The following PER2 variants were observed in gnomAD, a reference collection of about 807,000 sequenced individuals.
The protein encoded by PER2 is period circadian regulator 2, also known as period circadian protein homolog 2.
A neutral mutation model predicts 121.0 loss-of-function variants in PER2; 66 were observed. That is an observed-to-expected ratio of 0.55 (90% CI 0.45 to 0.67). PER2 has a LOEUF of 0.67. Ranked by LOEUF, PER2 falls within the 30% of genes least tolerant of loss-of-function variation. The probability of loss-of-function intolerance (pLI) is 0.00; values close to 1 mark genes in which losing one functional copy is unlikely to be tolerated. For missense variants in PER2, 1,521 were observed against 1,635.0 expected, an observed-to-expected ratio of 0.93 and a Z score of 1.20; for synonymous variants, 684 against 659.9, an observed-to-expected ratio of 1.04 and a Z score of -0.56.
At chr2:238,294,314 C>T (rs567107737), upstream of PER2, among the ~76,000 whole-genome samples, 6 of 152,324 alleles carry the variant, frequency 3.9e-5, no homozygotes, top group African/African-American at 1.4e-4. Context: ...TGAGGGGTAG[C>T]CCAGTTGGCA....
chr2:238,292,252 C>T (rs1696961732), upstream of PER2, among the ~76,000 whole-genome samples: 1 of 152,224 alleles, frequency 6.6e-6, no homozygotes, highest in African/African-American at 2.4e-5. Flanking sequence ...TCCAGGGAGG[C>T]TGTTCTTTGT....
At chr2:238,247,742 G>C (rs1040569777) in intron 22 of PER2, among the ~76,000 whole-genome samples, 1 of 152,250 alleles carries the variant, frequency 6.6e-6, no homozygotes, top group Non-Finnish European at 1.5e-5. Flanking sequence ...GGCCAGTGTA[G>C]CTGGAGAGGA....
intron 15 of PER2, 44 bp from the exon 16 acceptor site, chr2:238,258,444 G>C (rs1278636968): frequency 6.2e-7 from 1 of 1,614,136 alleles, no homozygotes; most frequent in Admixed American, 1.7e-5. Context: ...CACAACATGA[G>C]AGGAGGGAAG....
chr2:238,271,827 C>A lies in PER2; in HGVS notation c.571-314G>T, dbSNP rs560961531. On this transcript the variant is annotated intron_variant, in intron 5 of 22. Coordinates refer to ENST00000254657, the MANE Select transcript of PER2 (RefSeq NM_022817.3). Reference sequence around the variant, plus strand: ...AATAACATCTCCAACCAGAAACATTCCAAACTCCTCCCGGACCAGAGACAT... The same window carrying A: ...AATAACATCTCCAACCAGAAACATTACAAACTCCTCCCGGACCAGAGACAT... Among the ~76,000 whole-genome samples, 260 of 152,276 alleles carry A rather than the reference C, an allele frequency of 1.7e-3. 1 individual carries two copies. Among genetic ancestry groups the A allele is most frequent in the African/African-American group, 5.8e-3 (242 of 41,542 alleles).
Position 238,266,133 on chromosome 2 carries a change from G to A in PER2, c.968-543C>T, listed in dbSNP as rs1273132103. ...TTGGCCAGGATGGTCTCGATCTCCT[G>A]ACCTCGTGATCCGCCCACCTTGGCC... On this transcript the variant is annotated intron_variant, in intron 8 of 22. Transcript: ENST00000254657. 2.6e-5 allele frequency among the ~76,000 whole-genome samples: 4 copies of A among 152,104 alleles called. No individual in the cohort carries two copies. The East Asian group carries it at 7.7e-4, about 29-fold the overall frequency.
At chr2:238,279,874 T>C (rs1443585486) in intron 1 of PER2, among the ~76,000 whole-genome samples, 2 of 151,946 alleles carry the variant, frequency 1.3e-5, no homozygotes, top group African/African-American at 2.4e-5. Flanking sequence ...GCATGAAGAG[T>C]GCACTGGAGT....
At chr2:238,266,104 C>CTGAA (rs1559330136) in intron 8 of PER2, among the ~76,000 whole-genome samples, 1 of 151,926 alleles carries the variant, frequency 6.6e-6, no homozygotes, top group Non-Finnish European at 1.5e-5. Flanking sequence ...GGGGTTTCAC[C>CTGAA]GTGTTGGCCA....
In PER2 at chr2:238,279,036, A is replaced by AG. The variant is rs1459354851; in HGVS notation, c.-19-1082dup. 4.0e-5 allele frequency among the ~76,000 whole-genome samples: 6 copies of AG among 151,060 alleles called. No homozygotes were observed. In the South Asian group the frequency reaches 6.3e-4, roughly 16 times the overall value. ...CAGCGATCATCCTGGACACAAACTGAGGGGGGGTGAACAGAGACAGGGAGT... is the reference window on the plus strand; with the variant it reads ...CAGCGATCATCCTGGACACAAACTGAGGGGGGGGTGAACAGAGACAGGGAGT... On this transcript the variant is annotated intron_variant, in intron 1 of 22. Transcript: ENST00000254657.
chr2:238,269,107 A>G (rs145252062), intron 6 of PER2, 133 bp from the exon 7 acceptor site: 1 of 727,866 alleles, frequency 1.4e-6, no homozygotes, highest in Non-Finnish European at 2.5e-6. Context: ...ATGGAAGCAC[A>G]AAGTAAATCC....
intron 17 of PER2, 69 bp downstream of exon 17, chr2:238,256,853 G>A (rs1215566622): frequency 1.1e-5 from 17 of 1,509,416 alleles, no homozygotes; most frequent in Non-Finnish European, 1.5e-5. Context: ...AAAAATTTAA[G>A]ATGGCAAACT....
At position 238,251,483 on chromosome 2, in the gene PER2, T is replaced by C. The variant is rs1695596628; in HGVS notation, c.3274+116A>G. Reference sequence around the variant, plus strand: ...GGGTGTCTGCATGGGCTCTGACAGCTGCTTGGGGAGTGCCGGTGATCCCTG... The same window carrying C: ...GGGTGTCTGCATGGGCTCTGACAGCCGCTTGGGGAGTGCCGGTGATCCCTG... On this transcript the variant is annotated intron_variant, in intron 20 of 22. Transcript: ENST00000254657. The C allele has an allele frequency of 3.3e-6, 3 of 922,092 alleles. No individual in the cohort carries two copies. In the Admixed American group the frequency reaches 5.3e-5, roughly 16 times the overall value. The allele number at this position is 922,092 out of a possible 1,614,324, so 57.1% of individuals were successfully genotyped here. A position where few individuals can be genotyped will look rare whatever the true frequency, so the allele number is the denominator to read the frequency against.
intron 6 of PER2, among the ~76,000 whole-genome samples, chr2:238,270,027 T>G (rs769486116): frequency 1.4e-4 from 21 of 152,232 alleles, no homozygotes; most frequent in Non-Finnish European, 1.3e-4. Flanking sequence ...GGATCCAGTC[T>G]TGTCTCATCG....
At chr2:238,297,096 G>A in the PER2 span, among the ~76,000 whole-genome samples, 1 of 152,184 alleles carries the variant, frequency 6.6e-6, no homozygotes, top group South Asian at 2.1e-4. Context: ...AGACAGGAAC[G>A]AGGAGCAAAG....
rs571891737 is a variant in PER2, at chr2:238,258,720, G to A, written c.1628-76C>T. On this transcript the variant is annotated intron_variant, in intron 14 of 22. Coordinates refer to ENST00000254657, the MANE Select transcript of PER2 (RefSeq NM_022817.3). The stretch of plus-strand genomic sequence containing the variant: ...CGCTGTGTATTTACAAAGCATTTTC[G>A]TTCTACCTGAAGACAGGGCTGGGGA... The A allele has an allele frequency of 8.8e-5, 128 of 1,451,138 alleles. No individual in the cohort carries two copies. The East Asian group carries it at 2.8e-3, about 32-fold the overall frequency. 89.9% of individuals were successfully genotyped at this position (1,451,138 alleles called of 1,614,324 possible). A position where few individuals can be genotyped will look rare whatever the true frequency, so the allele number is the denominator to read the frequency against.
chr2:238,244,234 A>G lies in PER2; in HGVS notation c.*2141T>C, dbSNP rs575111836. ...AGCTTATTTACATATCTCTTCGGGA[A>G]TATATTAAAAAGAAGGCTCAGTTTA... On this transcript the variant is annotated 3_prime_UTR_variant, in exon 23 of 23. Transcript: ENST00000254657. The G allele has an allele frequency of 6.6e-6, 1 of 152,580 alleles. No homozygotes were observed. Among genetic ancestry groups the G allele is most frequent in the Non-Finnish European group, 1.5e-5 (1 of 68,038 alleles). 9.5% of individuals were successfully genotyped at this position (152,580 alleles called of 1,614,324 possible).
At chr2:238,292,280 G>C (rs950440670), upstream of PER2, among the ~76,000 whole-genome samples, 6 of 152,236 alleles carry the variant, frequency 3.9e-5, no homozygotes, top group Non-Finnish European at 7.3e-5. Context: ...AGACATGTGG[G>C]TGTGATGTGC....
chr2:238,277,630 G>T, intron 2 of PER2, 77 bp downstream of exon 2: 1 of 1,504,484 alleles, frequency 6.6e-7, no homozygotes. Context: ...GATTGCAAAA[G>T]CAATCAAATC....
intron 14 of PER2, among the ~76,000 whole-genome samples, 168 bp from the exon 15 acceptor site, chr2:238,258,812 G>A (rs1259083380): frequency 6.6e-6 from 1 of 152,094 alleles, no homozygotes; most frequent in South Asian, 2.1e-4. Context: ...CTGTGGGCAC[G>A]AGCACCACAG....
In PER2 at chr2:238,268,397, C is replaced by T. The variant is rs1574852453; in HGVS notation, c.825-199G>A. On this transcript the variant is annotated intron_variant, in intron 7 of 22. Transcript: ENST00000254657. The surrounding 1 kb of genome is among the most constrained non-coding windows in gnomAD (Gnocchi z 4.0). ...ACTGAAGGGCAAATCAGAGTTAACACCCCCACCAGTGGGGCAGCCTGGAGC... is the reference window on the plus strand; with the variant it reads ...ACTGAAGGGCAAATCAGAGTTAACATCCCCACCAGTGGGGCAGCCTGGAGC... 1.3e-5 allele frequency among the ~76,000 whole-genome samples: 2 copies of T among 152,174 alleles called. No individual in the cohort carries two copies. Among genetic ancestry groups the T allele is most frequent in the South Asian group, 4.1e-4 (2 of 4,822 alleles).
Sources: gnomAD v4.1 joint callset for allele counts (sites outside exome capture counted in the v4.1 genomes callset) on GRCh38, gnomAD v4.1.1 for gene constraint, Gnocchi (gnomAD v3.1) non-coding constraint, MANE v1.5 for transcripts, NCBI Gene and HGNC (gene_info 2026-07-23, HGNC 2026-07-21) for gene names.